Variants in UBR4 observed in about 807,000 individuals in gnomAD.
The protein encoded by UBR4 is E3 ubiquitin-protein ligase UBR4.
In UBR4, 124 loss-of-function variants were observed where a neutral mutation model predicts 575.6. The ratio of observed to expected loss-of-function variants is 0.22; its 90% CI spans 0.19 to 0.25. The LOEUF (loss-of-function observed/expected upper bound fraction) is 0.25, where lower values mean the gene tolerates loss of function less well. UBR4 is among the 10% of genes least tolerant of loss of function. The pLI is 1.00. For missense variants in UBR4, 4,818 were observed against 6,478.8 expected (o/e 0.74, Z 8.80); for synonymous variants, 2,455 against 2,473.7 (o/e 0.99, Z 0.22).
At chr1:19,166,714 C>CAAAAAAAAAAA (rs535369262) in intron 29 of UBR4, among the ~76,000 whole-genome samples, 3 of 73,754 alleles carry the variant, frequency 4.1e-5, no homozygotes, top group African/African-American at 2.0e-4. Flanking sequence ...CCATCTCTAC[C>CAAAAAAAAAAA]AAAAAAAAAA....
chr1:19,143,266 GAAAGAAAGA>G (rs2084302546), intron 55 of UBR4, among the ~76,000 whole-genome samples: 44 of 54,290 alleles, frequency 8.1e-4, no homozygotes, highest in African/African-American at 2.0e-3. Context: ...AAGGAAGAAA[GAAAGAAAGA>G]AAGAAAGAAA....
At chr1:19,143,247 GAAGGAAGGAAGGAAGAAAGAAAGA>G (rs1354652309) in intron 55 of UBR4, among the ~76,000 whole-genome samples, 62 of 127,510 alleles carry the variant, frequency 4.9e-4, no homozygotes, top group East Asian at 3.9e-3. Flanking sequence ...AGGAAGGAAG[GAAGGAAGGAAGGAAGAAAGAAAGA>G]AAGAAAGAAA....
Position 19,158,014 on chromosome 1 carries a change from C to G in UBR4, c.5578-17G>C, listed in dbSNP as rs2086681559. Reference sequence around the variant, plus strand: ...GGTGGGAACCTGGCAAAGAAGGAAGCAGAGAAAGTGGGCAGTAATGAGGCA... The same window carrying G: ...GGTGGGAACCTGGCAAAGAAGGAAGGAGAGAAAGTGGGCAGTAATGAGGCA... On this transcript the variant is annotated splice_polypyrimidine_tract_variant and intron_variant, in intron 39 of 105. Coordinates refer to ENST00000375254, the MANE Select transcript of UBR4 (RefSeq NM_020765.3). 1 of 1,601,914 alleles carries G rather than the reference C, an allele frequency of 6.2e-7. No individual in the cohort carries two copies. Among genetic ancestry groups the G allele is most frequent in the South Asian group, 1.1e-5 (1 of 90,734 alleles).
At chr1:19,158,228 C>A (rs565454822) in intron 39 of UBR4, among the ~76,000 whole-genome samples, 100 of 152,158 alleles carry the variant, frequency 6.6e-4, no homozygotes, top group African/African-American at 2.3e-3. Context: ...AAGTACTGGT[C>A]TTTTAAAAAA....
chr1:19,176,693 C>A lies in UBR4; in HGVS notation c.2672G>T (p.Trp891Leu), dbSNP rs751502235. Reference protein sequence around the residue: ...QHNLLSPPFGWASGSQDSNSR... With the variant: ...QHNLLSPPFGLASGSQDSNSR... ...GTTGCTGTCCTGGGATCCACTTGCC[C>A]ACCCAAAGGGAGGACTTAGCAGGTT... The change falls in exon 20 of 106, where the codon TGG becomes TTG. Residue 891 changes from tryptophan to leucine, a missense_variant. Around this residue, in one of 29 missense-constraint regions of UBR4, gnomAD observed 1,172 missense variants for 1,259.7 expected, o/e 0.93. Transcript: ENST00000375254. The A allele has an allele frequency of 6.2e-7, 1 of 1,614,068 alleles. No individual in the cohort carries two copies. The highest frequency in any genetic ancestry group is 1.1e-5 in the South Asian group (1 of 91,074).
rs2149327350 is a variant in UBR4 at position 19,112,716 on chromosome 1, G to A, written c.11609C>T (p.Thr3870Ile). ...AGCCGAGGCGCAGCCATAGCACTTG[G>A]TGGAGGATGTGTGGCCACAGCCCAG... ...SVLGCGHTSS[T>I]KCYGCASAVT... is the part of the protein sequence containing the mutation. Residue 3870 changes from threonine to isoleucine, a missense_variant, in exon 78 of 106, where the codon ACC becomes ATC. Transcript: ENST00000375254. 1.9e-6 allele frequency: 3 copies of A among 1,614,248 alleles called. No homozygotes were observed. Among genetic ancestry groups the A allele is most frequent in the Middle Eastern group, 1.6e-4 (1 of 6,062 alleles).
intron 11 of UBR4, among the ~76,000 whole-genome samples, chr1:19,190,809 T>A (rs910341169): frequency 6.6e-6 from 1 of 152,202 alleles, no homozygotes; most frequent in Admixed American, 6.5e-5. Context: ...TCTGGAATGA[T>A]GCATTCGCTG....
intron 73 of UBR4, 33 bp from the exon 74 acceptor site, chr1:19,115,670 A>G: frequency 6.2e-7 from 1 of 1,611,200 alleles, no homozygotes; most frequent in Non-Finnish European, 8.5e-7. Context: ...AGATTTTCTC[A>G]TCTAACCCTC....
chr1:19,102,139 G>A (rs2078696190), intron 87 of UBR4, among the ~76,000 whole-genome samples: 1 of 152,212 alleles, frequency 6.6e-6, no homozygotes, highest in Non-Finnish European at 1.5e-5. Flanking sequence ...ATAAGGTCTT[G>A]TGAGCACTTT....
intron 53 of UBR4, 24 bp downstream of exon 53, chr1:19,145,756 CTTCATTACCAAGA>C: frequency 1.2e-6 from 2 of 1,604,902 alleles, no homozygotes; most frequent in Non-Finnish European, 1.7e-6. Flanking sequence ...TTACATCAGG[CTTCATTACCAAGA>C]TTCAAATATC....
At chr1:19,208,066 T>C (rs2093097624) in intron 1 of UBR4, among the ~76,000 whole-genome samples, 1 of 152,246 alleles carries the variant, frequency 6.6e-6, no homozygotes. Context: ...GTAAGCCAGG[T>C]ATTTCTTCTG....
chr1:19,138,623 G>A (rs77198583), intron 59 of UBR4, among the ~76,000 whole-genome samples: 12,516 of 151,996 alleles, frequency 0.082, 540 homozygotes, highest in Middle Eastern at 0.1. Context: ...GTAGACTGTG[G>A]GGATGGTCTG....
Position 19,154,959 on chromosome 1 carries a change from T to C in UBR4, c.6417A>G (p.Thr2139=). The change falls in exon 44 of 106, where the codon ACA becomes ACG. Residue 2139 remains threonine, a synonymous_variant. Coordinates refer to ENST00000375254, the MANE Select transcript of UBR4 (RefSeq NM_020765.3). ...GKSFAATISR[T]TLEVLQLFPI... ...GGAAGAGTTGCAACACCTCCAGGGTTGTCCTGCTGATGGTGGCTGCGAATG... is the reference window on the plus strand; with the variant it reads ...GGAAGAGTTGCAACACCTCCAGGGTCGTCCTGCTGATGGTGGCTGCGAATG... The C allele has an allele frequency of 6.2e-7, 1 of 1,614,194 alleles. No homozygotes were observed. The highest frequency in any genetic ancestry group is 8.5e-7 in the Non-Finnish European group (1 of 1,180,024).
In UBR4 at chr1:19,095,609, T is replaced by C; in HGVS notation, c.13562A>G (p.Asn4521Ser). The change falls in exon 93 of 106, where the codon AAC (asparagine) becomes AGC (serine). Residue 4521 changes from asparagine to serine, a missense_variant. Asn to Ser is a conservative substitution (Grantham distance 46). This residue lies in a region of UBR4 where 165 missense variants were observed against 282.3 expected (regional missense o/e 0.58). Transcript: ENST00000375254. ...LFSYCVKVKVNRQQLVKLEMN... is the reference protein window; with the variant it reads ...LFSYCVKVKVSRQQLVKLEMN... ...TTCCAGTTTGACCAGTTGCTGCCGG[T>C]TGACTTTCACCTTCACGCAGTAACT... 1 of 1,614,102 alleles carries C rather than the reference T, an allele frequency of 6.2e-7. No individual in the cohort carries two copies. The highest frequency in any genetic ancestry group is 8.5e-7 in the Non-Finnish European group (1 of 1,179,988).
intron 55 of UBR4, among the ~76,000 whole-genome samples, chr1:19,142,575 G>A (rs768664839): frequency 6.6e-6 from 1 of 152,192 alleles, no homozygotes; most frequent in African/African-American, 2.4e-5. Context: ...ACAAAGTTGT[G>A]TACAATCCTC....
At chr1:19,166,352 T>C (rs1361953811) in intron 29 of UBR4, among the ~76,000 whole-genome samples, 1 of 152,200 alleles carries the variant, frequency 6.6e-6, no homozygotes, top group Admixed American at 6.5e-5. Flanking sequence ...CAACAAAATA[T>C]TAGAAATCAA....
intron 60 of UBR4, among the ~76,000 whole-genome samples, chr1:19,132,604 G>GGAAAAAA (rs1557716278): frequency 5.0e-5 from 1 of 19,948 alleles, no homozygotes; most frequent in Non-Finnish European, 8.9e-5. Flanking sequence ...GTAAAAAATG[G>GGAAAAAA]TAAAAAAAAA....
intron 8 of UBR4, among the ~76,000 whole-genome samples, chr1:19,196,464 C>T (rs979742689): frequency 2.0e-5 from 3 of 152,046 alleles, no homozygotes; most frequent in Non-Finnish European, 4.4e-5. Flanking sequence ...CAAGACATAC[C>T]AGAGATATGA....
Position 19,201,731 on chromosome 1 carries a change from T to C in UBR4, c.261A>G (p.Thr87=), listed in dbSNP as rs2092754515. Residue 87 remains threonine, a synonymous_variant, in exon 2 of 106, where the codon ACA becomes ACG. Transcript: ENST00000375254. ...TGGAATACTTACTGAGACTGCAAACTGTTGTAATATAGTGTGTGGAAAGTG... is the reference window on the plus strand; with the variant it reads ...TGGAATACTTACTGAGACTGCAAACCGTTGTAATATAGTGTGTGGAAAGTG... The part of the protein sequence containing the change: ...FVALSTHYIT[T]VCSLIPRNQL... 3 of 1,613,694 alleles carry C rather than the reference T, an allele frequency of 1.9e-6. No individual in the cohort carries two copies. Among genetic ancestry groups the C allele is most frequent in the Non-Finnish European group, 2.5e-6 (3 of 1,179,774 alleles).
Sources: allele counts gnomAD v4.1 joint callset (sites outside exome capture counted in the v4.1 genomes callset), GRCh38; gene constraint gnomAD v4.1.1; regional missense constraint gnomAD v4.1.1; transcripts MANE v1.5; gene names NCBI Gene and HGNC (gene_info 2026-07-23, HGNC 2026-07-21).